The following RBFOX3 variants were observed in gnomAD, a reference collection of about 807,000 sequenced individuals.
RBFOX3 encodes RNA binding fox-1 homolog 3.
RBFOX3 carries 17 observed loss-of-function variants against 48.7 expected under a neutral mutation model. That is an observed-to-expected ratio of 0.35 (90% CI 0.24 to 0.52). RBFOX3 has a LOEUF of 0.52. Among genes scored for constraint, RBFOX3 ranks in the 20% least tolerant of loss-of-function variants. RBFOX3 has a pLI of 0.94. For synonymous variants in RBFOX3, 212 were observed against 209.5 expected (o/e 1.01, Z -0.10); for missense variants, 382 against 497.5 (o/e 0.77, Z 2.21).
intron 14 of RBFOX3, among the ~76,000 whole-genome samples, chr17:79,093,288 C>A (rs1374518500): frequency 3.3e-5 from 5 of 152,168 alleles, no homozygotes; most frequent in Non-Finnish European, 1.5e-5. Flanking sequence ...CTCCCACCAC[C>A]CAGTTTTCCC....
At position 79,549,366 on chromosome 17, in the gene RBFOX3, G is replaced by T. The variant is rs781871664; in HGVS notation, c.-320+61460C>A. 1.4e-4 allele frequency among the ~76,000 whole-genome samples: 22 copies of T among 152,356 alleles called. No individual in the cohort carries two copies. In the Middle Eastern group the frequency reaches 0.014, roughly 94 times the overall value. ...ATCCGTCCGGCACAACCCCAGGAAT[G>T]AGCAGATGGCCTCCCTTTTTCCACT... On this transcript the variant is annotated intron_variant, in intron 1 of 14. Coordinates refer to ENST00000693108, the MANE Select transcript of RBFOX3 (RefSeq NM_001350451.2).
intron 2 of RBFOX3, among the ~76,000 whole-genome samples, chr17:79,337,443 T>C (rs990593270): frequency 6.6e-6 from 1 of 152,126 alleles, no homozygotes; most frequent in Middle Eastern, 3.2e-3. Flanking sequence ...CGTGGGCACA[T>C]GCGTGTACAA....
At chr17:79,219,797 G>A (rs2059493697) in intron 4 of RBFOX3, among the ~76,000 whole-genome samples, 2 of 151,008 alleles carry the variant, frequency 1.3e-5, no homozygotes, top group African/African-American at 4.8e-5. Flanking sequence ...AGCGGGAGGA[G>A]TAAAGGCACA....
chr17:79,123,791 C>T (rs2036420778), intron 4 of RBFOX3, among the ~76,000 whole-genome samples: 1 of 152,302 alleles, frequency 6.6e-6, no homozygotes, highest in Middle Eastern at 3.4e-3. Flanking sequence ...GTTTGGCCAG[C>T]CCCCGCCTTC....
Position 79,106,796 on chromosome 17 carries a change from G to A in RBFOX3, c.223-8C>T. On this transcript the variant is annotated splice_polypyrimidine_tract_variant and splice_region_variant and intron_variant, in intron 5 of 14. Coordinates refer to ENST00000693108, the MANE Select transcript of RBFOX3 (RefSeq NM_001350451.2). Reference sequence around the variant, plus strand: ...TGCCGCCTCGTCTGTCTGCTGCAGGGAGAGGACTGGGCTGTGGAGGCTGCC... The same window carrying A: ...TGCCGCCTCGTCTGTCTGCTGCAGGAAGAGGACTGGGCTGTGGAGGCTGCC... 3 of 1,513,716 alleles carry A rather than the reference G, an allele frequency of 2.0e-6. No homozygotes were observed. Among genetic ancestry groups the A allele is most frequent in the Middle Eastern group, 1.7e-4 (1 of 5,742 alleles). 93.8% of individuals were successfully genotyped at this position (1,513,716 alleles called of 1,614,324 possible).
intron 2 of RBFOX3, among the ~76,000 whole-genome samples, chr17:79,315,826 C>T (rs976552640): frequency 2.0e-5 from 3 of 152,108 alleles, no homozygotes; most frequent in African/African-American, 4.8e-5. Flanking sequence ...TTAAATGGCG[C>T]GCCGAGGGGA....
chr17:79,545,416 G>A (rs1555791601), intron 1 of RBFOX3, among the ~76,000 whole-genome samples: 1 of 152,170 alleles, frequency 6.6e-6, no homozygotes, highest in East Asian at 1.9e-4. Flanking sequence ...TGAGGAGCCG[G>A]CCACAGGGTC....
intron 2 of RBFOX3, among the ~76,000 whole-genome samples, chr17:79,415,437 T>C (rs1431298704): frequency 6.6e-6 from 1 of 152,150 alleles, no homozygotes; most frequent in Non-Finnish European, 1.5e-5. Flanking sequence ...AGGCCGACCC[T>C]AGCGGCTGTG....
rs1438238092 is a variant in RBFOX3, at chr17:79,104,063, C to T, written c.414+10G>A. 6 of 1,549,488 alleles carry T rather than the reference C, an allele frequency of 3.9e-6. No individual in the cohort carries two copies. The highest frequency in any genetic ancestry group is 1.4e-5 in the African/African-American group (1 of 73,000). The stretch of plus-strand genomic sequence containing the variant: ...GGCGCTGTAAGGCGGCAGCTCCGTG[C>T]GGCACCCACCTTGGAGCCCCGCTCG... On this transcript the variant is annotated intron_variant, in intron 7 of 14. Transcript: ENST00000693108.
chr17:79,096,772 G>T lies in RBFOX3; in HGVS notation c.817C>A (p.Leu273Ile). 7.5e-7 allele frequency: 1 copy of T among 1,331,346 alleles called. No homozygotes were observed. The highest frequency in any genetic ancestry group is 1.1e-6 in the Non-Finnish European group (1 of 946,278). The allele number at this position is 1,331,346 out of a possible 1,614,324, so 82.5% of individuals were successfully genotyped here. ...GGCTCCGGTGTCTGCTGAGGAGGGA[G>T]GGGGCACGGTGCCAGCCCCGCCCAT... The part of the protein sequence containing the change: ...VPWAGLAPCP[L>I]PPQQTPEPAY... Residue 273 changes from leucine to isoleucine, a missense_variant, in exon 12 of 15, where the codon CTC (leucine) becomes ATC (isoleucine). By Grantham distance (5) the Leu-to-Ile change is conservative. This residue lies in a region of RBFOX3 where 215 missense variants were observed against 254.8 expected (regional missense o/e 0.84). Coordinates refer to ENST00000693108, the MANE Select transcript of RBFOX3 (RefSeq NM_001350451.2).
At chr17:79,463,691 A>AC (rs2075885806) in intron 2 of RBFOX3, among the ~76,000 whole-genome samples, 2 of 144,572 alleles carry the variant, frequency 1.4e-5, no homozygotes, top group East Asian at 2.1e-4. Context: ...TGCCACTGCC[A>AC]CTGCCATCAC....
chr17:79,419,393 C>G (rs1353229425), intron 2 of RBFOX3, among the ~76,000 whole-genome samples: 1 of 152,204 alleles, frequency 6.6e-6, no homozygotes, highest in Non-Finnish European at 1.5e-5. Context: ...CCAAGACCTA[C>G]GTCTTGGCAG....
At chr17:79,466,475 T>C (rs1035137534) in intron 2 of RBFOX3, among the ~76,000 whole-genome samples, 4 of 152,142 alleles carry the variant, frequency 2.6e-5, no homozygotes, top group Admixed American at 6.5e-5. Flanking sequence ...GCAGAGCCCC[T>C]GCCCTCCCCA....
intron 4 of RBFOX3, among the ~76,000 whole-genome samples, chr17:79,165,540 T>C (rs28488428): frequency 0.026 from 4,014 of 152,272 alleles, 107 homozygotes; most frequent in East Asian, 0.17. Flanking sequence ...GATTCCTCCA[T>C]GCCAGCCATC....
chr17:79,102,064 C>A (rs181638567), intron 8 of RBFOX3, among the ~76,000 whole-genome samples: 185 of 152,312 alleles, frequency 1.2e-3, no homozygotes, highest in African/African-American at 4.4e-3. Context: ...TGGCCACATA[C>A]CCCTCCTGGA....
intron 1 of RBFOX3, among the ~76,000 whole-genome samples, chr17:79,586,461 C>T (rs2093252815): frequency 6.6e-6 from 1 of 152,232 alleles, no homozygotes; most frequent in African/African-American, 2.4e-5. Context: ...GCAAGAACAA[C>T]AACTGCTGTT....
chr17:79,097,919 A>T, intron 9 of RBFOX3, 174 bp from the exon 10 acceptor site: 1 of 644,524 alleles, frequency 1.6e-6, no homozygotes, highest in Middle Eastern at 2.5e-4. Context: ...AGTTCAAAAC[A>T]CCAGGGTCTA....
At chr17:79,357,650 A>AC (rs2085434140) in intron 2 of RBFOX3, among the ~76,000 whole-genome samples, 2 of 145,348 alleles carry the variant, frequency 1.4e-5, no homozygotes, top group Admixed American at 6.9e-5. Flanking sequence ...AAACAAACAA[A>AC]AAACAAACTC....
chr17:79,613,454 C>G (rs1164823755), upstream of RBFOX3, among the ~76,000 whole-genome samples: 1 of 152,210 alleles, frequency 6.6e-6, no homozygotes, highest in East Asian at 1.9e-4. Context: ...CAGCACTAAC[C>G]GGGAGATTTT....
Sources: allele counts gnomAD v4.1 joint callset (sites outside exome capture counted in the v4.1 genomes callset), GRCh38; gene constraint gnomAD v4.1.1; regional missense constraint gnomAD v4.1.1; transcripts MANE v1.5; gene names NCBI Gene and HGNC (gene_info 2026-07-23, HGNC 2026-07-21).